The following CLEC12A variants were observed in gnomAD, a reference collection of about 807,000 sequenced individuals.
CLEC12A encodes C-type lectin protein CLL-1.
Under a neutral mutation model 26.5 loss-of-function variants are expected in CLEC12A, and 22 were observed. The ratio of observed to expected loss-of-function variants is 0.83; its 90% CI spans 0.59 to 1.19. The LOEUF (loss-of-function observed/expected upper bound fraction) is 1.19, where lower values mean the gene tolerates loss of function less well. Among genes scored for constraint, CLEC12A ranks in the 50% most tolerant of loss-of-function variants. CLEC12A has a pLI of 0.00. For missense variants in CLEC12A, 353 were observed against 315.6 expected, an observed-to-expected ratio of 1.12 and a Z score of -0.90; for synonymous variants, 119 against 101.9, an observed-to-expected ratio of 1.17 and a Z score of -1.01.
intron 1 of CLEC12A, among the ~76,000 whole-genome samples, chr12:9,976,325 C>T (rs1169051719): frequency 6.6e-6 from 1 of 152,182 alleles, no homozygotes; most frequent in East Asian, 1.9e-4. Flanking sequence ...CCTTGCAAAG[C>T]CACAGGAGCA....
At chr12:9,965,384 G>C (rs575012323) in intron 1 of CLEC12A, among the ~76,000 whole-genome samples, 31 of 152,210 alleles carry the variant, frequency 2.0e-4, no homozygotes, top group Admixed American at 5.2e-4. Flanking sequence ...AGATAGGTAA[G>C]AGATGAGGAA....
At chr12:9,986,204 A>T (rs1330045286), downstream of CLEC12A, 1 of 445,788 alleles carries the variant, frequency 2.2e-6, no homozygotes, top group Admixed American at 2.4e-5. Flanking sequence ...CAGTTTGATC[A>T]TTAAAAGAGC....
intron 4 of CLEC12A, chr12:9,994,963 A>G (rs1864999814): frequency 6.7e-7 from 1 of 1,482,346 alleles, no homozygotes; most frequent in East Asian, 2.7e-5. Context: ...GAGCAAAGTA[A>G]TGGGAGAGAG....
chr12:9,989,125 A>G (rs865924295), downstream of CLEC12A, among the ~76,000 whole-genome samples: 76 of 150,718 alleles, frequency 5.0e-4, no homozygotes, highest in African/African-American at 1.7e-3. Context: ...AAAAAACCAA[A>G]CACCGCATGT....
intron 4 of CLEC12A, chr12:9,992,790 T>C (rs146198541): frequency 5.7e-5 from 10 of 174,066 alleles, no homozygotes; most frequent in African/African-American, 2.4e-4. Context: ...ATAGATATTT[T>C]GCACAACTTA....
the CLEC12A span, among the ~76,000 whole-genome samples, chr12:10,001,397 T>G: frequency 0.069 from 10,488 of 152,330 alleles, 446 homozygotes; most frequent in Middle Eastern, 0.099. Context: ...TTTCCATTGC[T>G]TCATTCCTCT....
downstream of CLEC12A, chr12:9,999,210 G>A (rs1865125917): frequency 7.3e-6 from 5 of 685,616 alleles, no homozygotes; most frequent in South Asian, 6.4e-5. Context: ...GTCTTTAGTA[G>A]GGTAGAACCA....
At chr12:9,995,325 A>G in exon 5 of CLEC12A, 1 of 1,195,178 alleles carries the variant, frequency 8.4e-7, no homozygotes, top group Non-Finnish European at 1.2e-6. Flanking sequence ...TCATGATAAG[A>G]CGTTGGACAA....
chr12:10,001,814 C>T, the CLEC12A span, among the ~76,000 whole-genome samples: 1 of 151,896 alleles, frequency 6.6e-6, no homozygotes, highest in Non-Finnish European at 1.5e-5. Context: ...ATATTTTAAC[C>T]TTGCTTGAAT....
upstream of CLEC12A, among the ~76,000 whole-genome samples, chr12:9,967,957 G>A (rs611821): frequency 0.58 from 87,217 of 151,656 alleles, 25,377 homozygotes; most frequent in South Asian, 0.72. Context: ...GACTGGTGCC[G>A]GAGTTTTGGG....
intron 1 of CLEC12A, among the ~76,000 whole-genome samples, chr12:9,962,061 A>C (rs1396493075): frequency 6.6e-6 from 1 of 152,146 alleles, no homozygotes; most frequent in Non-Finnish European, 1.5e-5. Flanking sequence ...CATCAGCTAT[A>C]GTTTCTGCTG....
At chr12:10,004,639 T>C in the CLEC12A span, among the ~76,000 whole-genome samples, 29 of 152,048 alleles carry the variant, frequency 1.9e-4, no homozygotes, top group Non-Finnish European at 3.7e-4. Context: ...GGGTACAGAA[T>C]AGGGGGCATG....
At chr12:9,969,637 C>T (rs997608874), upstream of CLEC12A, among the ~76,000 whole-genome samples, 11 of 152,154 alleles carry the variant, frequency 7.2e-5, no homozygotes, top group African/African-American at 1.4e-4. Context: ...GATGAAACAA[C>T]GTTCCACATG....
At chr12:10,005,498 T>G in the CLEC12A span, among the ~76,000 whole-genome samples, 2 of 152,212 alleles carry the variant, frequency 1.3e-5, no homozygotes, top group Admixed American at 1.3e-4. Context: ...TTATTGCTCT[T>G]TCTATATGCT....
downstream of CLEC12A, among the ~76,000 whole-genome samples, chr12:9,997,523 C>T (rs1865083382): frequency 1.3e-5 from 2 of 152,068 alleles, no homozygotes; most frequent in Admixed American, 1.3e-4. Flanking sequence ...AATAAAAAAT[C>T]CCAACATCGA....
chr12:9,971,228 G>C (rs373071088), upstream of CLEC12A, among the ~76,000 whole-genome samples: 1 of 152,106 alleles, frequency 6.6e-6, no homozygotes, highest in African/African-American at 2.4e-5. Flanking sequence ...TGCACCATGT[G>C]GTGCTAGTTA....
At chr12:9,963,029 C>G (rs663349) in intron 1 of CLEC12A, among the ~76,000 whole-genome samples, 78,528 of 151,952 alleles carry the variant, frequency 0.52, 22,113 homozygotes, top group South Asian at 0.64. Flanking sequence ...AGATTTCATG[C>G]TAAGGGGTGA....
chr12:9,994,946 A>T (rs933536614), intron 4 of CLEC12A: 32 of 1,414,384 alleles, frequency 2.3e-5, no homozygotes, highest in Middle Eastern at 4.8e-4. Context: ...ATTGTGGCTT[A>T]GATAAAGAGC....
At chr12:9,996,292 A>G (rs1016942693), downstream of CLEC12A, among the ~76,000 whole-genome samples, 5 of 152,176 alleles carry the variant, frequency 3.3e-5, no homozygotes, top group Non-Finnish European at 5.9e-5. Flanking sequence ...ATCCAACTAT[A>G]CAATTTCTTT....
Sources: gnomAD v4.1 joint callset for allele counts (sites outside exome capture counted in the v4.1 genomes callset) on GRCh38, gnomAD v4.1.1 for gene constraint, MANE v1.5 for transcripts, NCBI Gene and HGNC (gene_info 2026-07-23, HGNC 2026-07-21) for gene names.